EMC3: variants seen among roughly 807,000 people sequenced by gnomAD.
The protein encoded by EMC3 is ER membrane protein complex subunit 3.
In EMC3, 13 loss-of-function variants were observed where a neutral mutation model predicts 36.6. The observed-to-expected ratio is 0.35, with a 90% CI of 0.23 to 0.56. The LOEUF (loss-of-function observed/expected upper bound fraction) is 0.56, where lower values mean the gene tolerates loss of function less well. EMC3 is among the 20% of genes least tolerant of loss of function. The pLI, the probability that EMC3 is intolerant of heterozygous loss-of-function variation, is 0.84. For missense variants in EMC3, 220 were observed against 324.5 expected (o/e 0.68, Z 2.47); for synonymous variants, 120 against 111.9 (o/e 1.07, Z -0.46).
At chr3:9,976,317 G>C (rs1559351574) in intron 3 of EMC3, among the ~76,000 whole-genome samples, 1 of 152,044 alleles carries the variant, frequency 6.6e-6, no homozygotes, top group African/African-American at 2.4e-5. Flanking sequence ...TGTAAACCAG[G>C]CTGGTTTGAA....
intron 3 of EMC3, among the ~76,000 whole-genome samples, chr3:9,976,008 G>A (rs1026788067): frequency 6.6e-6 from 1 of 151,988 alleles, no homozygotes; most frequent in Non-Finnish European, 1.5e-5. Context: ...TTCCGTATGG[G>A]TTTAAAATAG....
Position 9,986,669 on chromosome 3 carries a change from G to C in EMC3, c.-8C>G. 1 of 1,613,722 alleles carries C rather than the reference G, an allele frequency of 6.2e-7. No homozygotes were observed. The highest frequency in any genetic ancestry group is 8.5e-7 in the Non-Finnish European group (1 of 1,179,690). On this transcript the variant is annotated 5_prime_UTR_variant, in exon 1 of 8. Coordinates refer to ENST00000245046, the MANE Select transcript of EMC3 (RefSeq NM_001394674.1). ...CAGTTCTGGCCCTGCCATCTTCACT[G>C]AAAGCTGGTTCCCAGTCTGGAATGG...
chr3:9,972,413 T>C (rs926296758), intron 5 of EMC3, among the ~76,000 whole-genome samples: 1 of 148,666 alleles, frequency 6.7e-6, no homozygotes, highest in African/African-American at 2.5e-5. Context: ...GCTAGACTCA[T>C]GTAAAAGTTG....
In EMC3 at chr3:9,963,248, A is replaced by G. The variant is rs2085704176; in HGVS notation, c.*821T>C. 1 of 152,104 alleles carries G rather than the reference A, an allele frequency of 6.6e-6. No individual in the cohort carries two copies. Among genetic ancestry groups the G allele is most frequent in the Non-Finnish European group, 1.5e-5 (1 of 68,018 alleles). 9.4% of individuals were successfully genotyped at this position (152,104 alleles called of 1,614,324 possible). On this transcript the variant is annotated 3_prime_UTR_variant, in exon 8 of 8. Transcript: ENST00000245046. ...ATGAACAGGGAGATTCATTTTGTTC[A>G]TCCATAGTTTCTAAACCTTTGGTAG...
chr3:10,003,288 G>A, intron 1 of EMC3: 1 of 449,148 alleles, frequency 2.2e-6, no homozygotes, highest in South Asian at 1.6e-5. Flanking sequence ...CAATAAGGAG[G>A]CTGTGACTGC....
intron 1 of EMC3, among the ~76,000 whole-genome samples, chr3:9,980,545 G>GT (rs1368340718): frequency 2.3e-4 from 31 of 135,362 alleles, no homozygotes; most frequent in East Asian, 1.1e-3. Context: ...TTTGTGTTTT[G>GT]TTTTTTTTGT....
At chr3:10,008,547 A>G in intron 1 of EMC3, 1 of 1,222,038 alleles carries the variant, frequency 8.2e-7, no homozygotes. Flanking sequence ...GGTTCCCAAA[A>G]GACAGCCCAG....
intron 1 of EMC3, chr3:10,004,481 C>T (rs34883592): frequency 0.35 from 53,136 of 152,192 alleles, 12,135 homozygotes; most frequent in African/African-American, 0.65. Flanking sequence ...CACTATCAGA[C>T]CACAGACCCT....
At chr3:9,990,323 C>CTCTCTTT (rs2086032767), upstream of EMC3, among the ~76,000 whole-genome samples, 1 of 109,120 alleles carries the variant, frequency 9.2e-6, no homozygotes, top group Admixed American at 8.8e-5. Context: ...CCGGGCCTTT[C>CTCTCTTT]TCTTTTTTTT....
intron 1 of EMC3, chr3:10,006,918 C>A: frequency 3.2e-6 from 1 of 307,846 alleles, no homozygotes; most frequent in African/African-American, 2.3e-5. Flanking sequence ...TGCCCGGCAA[C>A]GTGGGAGCCT....
intron 1 of EMC3, among the ~76,000 whole-genome samples, chr3:10,000,250 G>A (rs751663007): frequency 1.3e-5 from 2 of 152,038 alleles, no homozygotes; most frequent in Non-Finnish European, 2.9e-5. Flanking sequence ...ATGTTGGCCA[G>A]GCTGGTCTCG....
upstream of EMC3, chr3:9,986,947 G>A: frequency 8.3e-7 from 1 of 1,201,256 alleles, no homozygotes; most frequent in Non-Finnish European, 1.0e-6. Context: ...CAGGCTCGGT[G>A]GCTCACTCCT....
intron 1 of EMC3, among the ~76,000 whole-genome samples, chr3:9,994,895 T>G (rs2124930039): frequency 6.6e-6 from 1 of 152,252 alleles, no homozygotes; most frequent in East Asian, 1.9e-4. Context: ...ATAGCATATA[T>G]CCAGAGAGAG....
chr3:9,969,823 C>G (rs745831012), intron 6 of EMC3, 22 bp from the exon 7 acceptor site: 2 of 1,611,736 alleles, frequency 1.2e-6, no homozygotes, highest in African/African-American at 2.7e-5. Context: ...GACACACTTA[C>G]ATGAGTGCCA....
intron 1 of EMC3, among the ~76,000 whole-genome samples, chr3:9,985,362 G>C (rs2085959563): frequency 1.3e-5 from 2 of 152,190 alleles, no homozygotes; most frequent in South Asian, 4.1e-4. Context: ...ATGTGAGAGA[G>C]AGGTGCTAAA....
In EMC3 at chr3:9,993,068, T is replaced by C; in HGVS notation, c.-241-6166A>G. On this transcript the variant is annotated intron_variant, in intron 1 of 8. Coordinates refer to the EMC3 transcript ENST00000470827. ...AAAACAGAAAGCTTTACAGCTCTCA[T>C]GTAAAATTTCATCTTATTTCAGTCC... The C allele has an allele frequency of 6.5e-6, 6 of 924,986 alleles. No homozygotes were observed. In the South Asian group the frequency reaches 6.9e-5, roughly 11 times the overall value. 57.3% of individuals were successfully genotyped at this position (924,986 alleles called of 1,614,324 possible).
chr3:9,977,588 T>C, intron 1 of EMC3, 142 bp from the exon 2 acceptor site: 2 of 627,940 alleles, frequency 3.2e-6, no homozygotes, highest in Non-Finnish European at 5.4e-6. Context: ...AAAATACAAG[T>C]ATCTTTAAAA....
Position 9,995,710 on chromosome 3 carries a change from T to TGGTG in EMC3, c.-241-8809_-241-8808insCACC, listed in dbSNP as rs1336333919. Among the ~76,000 whole-genome samples the TGGTG allele has an allele frequency of 4.6e-5, 7 of 152,108 alleles. No homozygotes were observed. In the Middle Eastern group the frequency reaches 0.01, roughly 222 times the overall value. On this transcript the variant is annotated intron_variant, in intron 1 of 8. Transcript: ENST00000470827. Reference sequence around the variant, plus strand: ...GGAGTGCAGTTGGCGCTGTCTCAGTTCAGTGCAACCTCTGCCTCCCGGGTT... The same window carrying TGGTG: ...GGAGTGCAGTTGGCGCTGTCTCAGTTGGTGCAGTGCAACCTCTGCCTCCCGGGTT...
Position 10,007,577 on chromosome 3 carries a change from C to T in EMC3, c.-242+3446G>A, listed in dbSNP as rs1487321953. Reference sequence around the variant, plus strand: ...TAGGAGTGCTTCTGGGTGAGGCAGGCATCCTGGGTGTCAGGGGAGGGTTGA... The same window carrying T: ...TAGGAGTGCTTCTGGGTGAGGCAGGTATCCTGGGTGTCAGGGGAGGGTTGA... On this transcript the variant is annotated intron_variant, in intron 1 of 8. Coordinates refer to the EMC3 transcript ENST00000470827. The T allele has an allele frequency of 2.2e-6, 3 of 1,367,416 alleles. No homozygotes were observed. In the Admixed American group the frequency reaches 5.7e-5, roughly 26 times the overall value. The allele number at this position is 1,367,416 out of a possible 1,614,324, so 84.7% of individuals were successfully genotyped here. A position where few individuals can be genotyped will look rare whatever the true frequency, so the allele number is the denominator to read the frequency against.
Sources: allele counts gnomAD v4.1 joint callset (sites outside exome capture counted in the v4.1 genomes callset), GRCh38; gene constraint gnomAD v4.1.1; transcripts MANE v1.5; gene names NCBI Gene and HGNC (gene_info 2026-07-23, HGNC 2026-07-21).